The following CCDC88C variants were observed in gnomAD, a reference collection of about 807,000 sequenced individuals.
CCDC88C encodes protein Daple.
Under a neutral mutation model 198.8 loss-of-function variants are expected in CCDC88C, and 131 were observed. That is an observed-to-expected ratio of 0.66 (90% CI 0.57 to 0.76). The LOEUF (loss-of-function observed/expected upper bound fraction) is 0.76. Ranked by LOEUF, CCDC88C falls within the 30% of genes least tolerant of loss-of-function variation. CCDC88C has a pLI of 0.00. For synonymous variants in CCDC88C, 1,166 were observed against 1,114.7 expected, an observed-to-expected ratio of 1.05 and a Z score of -0.92; for missense variants, 2,553 against 2,631.6, an observed-to-expected ratio of 0.97 and a Z score of 0.65.
In CCDC88C at chr14:91,272,585, G is replaced by A. The variant is rs12434475; in HGVS notation, c.*40C>T. 68 of 1,570,022 alleles carry A rather than the reference G, an allele frequency of 4.3e-5. No individual in the cohort carries two copies. The South Asian group carries it at 6.3e-4, about 15-fold the overall frequency. ...AAAGGCCGTGAGAGTCGGAAGGCGCGTCAGTAGTTTTCAGGTTTGCGAGCT... is the reference window on the plus strand; with the variant it reads ...AAAGGCCGTGAGAGTCGGAAGGCGCATCAGTAGTTTTCAGGTTTGCGAGCT... On this transcript the variant is annotated 3_prime_UTR_variant, in exon 30 of 30. Transcript: ENST00000389857.
At chr14:91,405,092 A>G (rs1018115301) in intron 3 of CCDC88C, among the ~76,000 whole-genome samples, 3 of 152,118 alleles carry the variant, frequency 2.0e-5, no homozygotes, top group African/African-American at 7.2e-5. Flanking sequence ...TCTCAGCCAC[A>G]CTGGTTTCCA....
intron 15 of CCDC88C, among the ~76,000 whole-genome samples, chr14:91,312,798 C>T (rs140038023): frequency 7.0e-4 from 106 of 152,258 alleles, no homozygotes; most frequent in African/African-American, 2.5e-3. Context: ...AAAACCACAA[C>T]AGCTCACCTG....
intron 19 of CCDC88C, 97 bp downstream of exon 19, chr14:91,305,668 G>T: frequency 8.3e-7 from 1 of 1,205,072 alleles, no homozygotes. Context: ...TTGATCTGCT[G>T]CTTTTGAGGA....
chr14:91,283,303 T>C lies in CCDC88C; in HGVS notation c.4630+26A>G, dbSNP rs891156860. The C allele has an allele frequency of 5.0e-6, 8 of 1,608,598 alleles. No individual in the cohort carries two copies. The East Asian group carries it at 1.3e-4, about 27-fold the overall frequency. ...GGAAGGACACTAGGCCCGACGCTCATGGCTCTGGAAGGGCCTGTGACTCAC... is the reference window on the plus strand; with the variant it reads ...GGAAGGACACTAGGCCCGACGCTCACGGCTCTGGAAGGGCCTGTGACTCAC... On this transcript the variant is annotated intron_variant, in intron 26 of 29. Coordinates refer to ENST00000389857, the MANE Select transcript of CCDC88C (RefSeq NM_001080414.4).
rs1891334663 is a variant in CCDC88C, at chr14:91,302,297, C to G, written c.3635+1404G>C. Among the ~76,000 whole-genome samples the G allele has an allele frequency of 3.9e-5, 6 of 152,342 alleles. No homozygotes were observed. In the South Asian group the frequency reaches 1.0e-3, roughly 26 times the overall value. ...CCAAAGGATATACCATCAGCAGGGC[C>G]ATTTCCCAGGCAAAGGAAGTAGATC... On this transcript the variant is annotated intron_variant, in intron 20 of 29. Coordinates refer to ENST00000389857, the MANE Select transcript of CCDC88C (RefSeq NM_001080414.4).
rs145650986 is a variant in CCDC88C at position 91,381,696 on chromosome 14, T to A, written c.271-21985A>T. On this transcript the variant is annotated intron_variant, in intron 3 of 29. Transcript: ENST00000389857. This position sits in a 1 kb window ranked among gnomAD's most constrained non-coding sequence, Gnocchi z 4.2. ...AAAAATACAAACAATTATCTGGGCATGGTGGCGCGTGCATGTAATTCCAGG... is the reference window on the plus strand; with the variant it reads ...AAAAATACAAACAATTATCTGGGCAAGGTGGCGCGTGCATGTAATTCCAGG... Among the ~76,000 whole-genome samples the A allele has an allele frequency of 6.6e-6, 1 of 152,282 alleles. No homozygotes were observed. Among genetic ancestry groups the A allele is most frequent in the African/African-American group, 2.4e-5 (1 of 41,552 alleles).
intron 28 of CCDC88C, 101 bp downstream of exon 28, chr14:91,279,137 C>T (rs139697985): frequency 1.4e-5 from 13 of 924,870 alleles, no homozygotes; most frequent in African/African-American, 3.3e-5. Flanking sequence ...TGGGCTCAAG[C>T]GATCCACCTG....
chr14:91,359,526 C>T, intron 4 of CCDC88C, 116 bp downstream of exon 4: 1 of 747,536 alleles, frequency 1.3e-6, no homozygotes, highest in South Asian at 1.6e-5. Context: ...CCAAAACGAT[C>T]ACGTGTTTTC....
intron 3 of CCDC88C, among the ~76,000 whole-genome samples, chr14:91,378,007 A>G (rs1042590921): frequency 6.9e-6 from 1 of 145,088 alleles, no homozygotes; most frequent in African/African-American, 2.5e-5. Flanking sequence ...AAGGAAGAAG[A>G]GGAGAGTGGT....
intron 10 of CCDC88C, among the ~76,000 whole-genome samples, chr14:91,332,482 G>T (rs1442430625): frequency 6.6e-6 from 1 of 152,166 alleles, no homozygotes. Context: ...CCATGTTTTT[G>T]TAACCAAAAT....
In CCDC88C at chr14:91,313,488, C is replaced by T. The variant is rs749976530; in HGVS notation, c.2328G>A (p.Glu776=). 1.9e-6 allele frequency: 3 copies of T among 1,607,608 alleles called. No homozygotes were observed. The highest frequency in any genetic ancestry group is 1.1e-5 in the South Asian group (1 of 91,078). ...AGGTCTGCGTCTTGTGGCTGCTGCT[C>T]TCCAGGCTCTGCTGCAGCCGGAGGT... The part of the protein sequence containing the change: ...AENLRLQQSL[E]SSSHKTQTLE... The change falls in exon 15 of 30, where the codon GAG becomes GAA. Residue 776 remains glutamate, a synonymous_variant. Coordinates refer to ENST00000389857, the MANE Select transcript of CCDC88C (RefSeq NM_001080414.4). The surrounding 1 kb of genome is among the most constrained non-coding windows in gnomAD (Gnocchi z 5.2).
intron 23 of CCDC88C, among the ~76,000 whole-genome samples, chr14:91,293,153 T>C (rs113461838): frequency 0.021 from 86 of 4,174 alleles, no homozygotes; most frequent in South Asian, 0.028. Flanking sequence ...CATCCTCACC[T>C]GCCATAGCCC....
At chr14:91,292,130 T>G (rs1237459770) in intron 23 of CCDC88C, among the ~76,000 whole-genome samples, 1 of 152,170 alleles carries the variant, frequency 6.6e-6, no homozygotes, top group Non-Finnish European at 1.5e-5. Flanking sequence ...GAGCTCACGG[T>G]GAGGTGAGCC....
chr14:91,406,010 G>A (rs1482170185), intron 3 of CCDC88C, among the ~76,000 whole-genome samples: 1 of 152,206 alleles, frequency 6.6e-6, no homozygotes, highest in Admixed American at 6.5e-5. Context: ...ACAAAAGGAG[G>A]GAGAGCAGGG....
intron 1 of CCDC88C, chr14:91,417,287 G>C (rs1204963161): frequency 1.6e-5 from 11 of 677,990 alleles, no homozygotes; most frequent in Middle Eastern, 2.5e-4. Flanking sequence ...GGTCCTTTTC[G>C]GGAGTGGCTA....
intron 24 of CCDC88C, among the ~76,000 whole-genome samples, chr14:91,290,255 C>CA (rs1890603342): frequency 6.6e-6 from 1 of 152,250 alleles, no homozygotes; most frequent in East Asian, 1.9e-4. Flanking sequence ...CTGGATGTCA[C>CA]AGCGAGACTC....
chr14:91,285,599 CTTTT>C (rs1185707952), intron 25 of CCDC88C: 32 of 1,238,796 alleles, frequency 2.6e-5, no homozygotes, highest in African/African-American at 7.9e-5. Flanking sequence ...TAGACGCTGG[CTTTT>C]TTTGTTTGTT....
Position 91,279,436 on chromosome 14 carries a change from G to C in CCDC88C, c.4700-130C>G, listed in dbSNP as rs762834319. The C allele has an allele frequency of 1.3e-4, 92 of 701,690 alleles. 2 individuals carry two copies. Among genetic ancestry groups the C allele is most frequent in the Admixed American group, 6.5e-4 (23 of 35,240 alleles). The allele number at this position is 701,690 out of a possible 1,614,324, so 43.5% of individuals were successfully genotyped here. On this transcript the variant is annotated intron_variant, in intron 27 of 29. Transcript: ENST00000389857. ...TAAGCCCAACGCCCTCAGGAAGGAG[G>C]AGCTCTGGGACTCCCTCTGCGCTCC...
chr14:91,333,514 T>G (rs137986611), intron 10 of CCDC88C, among the ~76,000 whole-genome samples: 1 of 152,214 alleles, frequency 6.6e-6, no homozygotes, highest in African/African-American at 2.4e-5. Flanking sequence ...GCATGACATA[T>G]ACTGCATGCT....
Sources: allele counts gnomAD v4.1 joint callset (sites outside exome capture counted in the v4.1 genomes callset), GRCh38; gene constraint gnomAD v4.1.1; non-coding constraint Gnocchi (gnomAD v3.1); transcripts MANE v1.5; gene names NCBI Gene and HGNC (gene_info 2026-07-23, HGNC 2026-07-21).